USH2A: variants seen among roughly 807,000 people sequenced by gnomAD.
USH2A encodes the protein usherin.
USH2A carries 443 observed loss-of-function variants against 538.9 expected under a neutral mutation model. The ratio of observed to expected loss-of-function variants is 0.82; its 90% CI spans 0.76 to 0.89. The LOEUF is 0.89. USH2A is among the 40% of genes least tolerant of loss of function. The pLI is 0.00. For synonymous variants in USH2A, 2,413 were observed against 2,273.5 expected, an observed-to-expected ratio of 1.06 and a Z score of -1.75; for missense variants, 6,633 against 6,324.8, an observed-to-expected ratio of 1.05 and a Z score of -1.65.
intron 21 of USH2A, among the ~76,000 whole-genome samples, chr1:216,167,380 G>A (rs2034191770): frequency 6.6e-6 from 1 of 152,126 alleles, no homozygotes; most frequent in Non-Finnish European, 1.5e-5. Context: ...GTGATCAGCA[G>A]CTTCCCAATG....
intron 38 of USH2A, among the ~76,000 whole-genome samples, chr1:215,924,325 A>G (rs1453316151): frequency 2.0e-5 from 3 of 152,094 alleles, no homozygotes; most frequent in African/African-American, 4.8e-5. Context: ...TTATAGAGAT[A>G]GAAAAAGGGA....
chr1:216,023,034 T>C (rs990752400), intron 32 of USH2A, among the ~76,000 whole-genome samples: 10 of 152,108 alleles, frequency 6.6e-5, no homozygotes, highest in Non-Finnish European at 1.2e-4. Flanking sequence ...CAGAAATGCA[T>C]GAGGATTAGT....
chr1:216,014,669 G>A lies in USH2A; in HGVS notation c.6326-14107C>T, dbSNP rs147800625. ...ATTTGCATAAGATCAAACACAGGGA[G>A]TTGTGGACAGGGAAAAACAGATCAC... On this transcript the variant is annotated intron_variant, in intron 32 of 71. Transcript: ENST00000307340. Among the ~76,000 whole-genome samples the A allele has an allele frequency of 4.6e-5, 7 of 152,328 alleles. No individual in the cohort carries two copies. In the East Asian group the frequency reaches 1.4e-3, roughly 29 times the overall value.
At chr1:215,684,222 C>T (rs1658337266) in intron 61 of USH2A, among the ~76,000 whole-genome samples, 1 of 152,132 alleles carries the variant, frequency 6.6e-6, no homozygotes, top group South Asian at 2.1e-4. Context: ...GCAATTTGAA[C>T]TATATTTTAA....
chr1:216,222,697 C>T (rs149798881), intron 14 of USH2A, among the ~76,000 whole-genome samples: 170 of 152,178 alleles, frequency 1.1e-3, no homozygotes, highest in African/African-American at 3.8e-3. Flanking sequence ...AAAGAATGTA[C>T]GATGGGTGCG....
At chr1:215,984,513 G>A (rs926863331) in intron 35 of USH2A, among the ~76,000 whole-genome samples, 3 of 152,014 alleles carry the variant, frequency 2.0e-5, no homozygotes, top group African/African-American at 7.2e-5. Context: ...ATTTTCACAG[G>A]GAAGCTGGAT....
chr1:216,289,487 A>G, intron 10 of USH2A, 77 bp from the exon 11 acceptor site: 3 of 1,598,116 alleles, frequency 1.9e-6, no homozygotes, highest in Non-Finnish European at 1.7e-6. Context: ...TAAAGACTGT[A>G]TTCCTTTGAG....
chr1:215,727,870 A>G (rs892021595), intron 61 of USH2A, among the ~76,000 whole-genome samples, 160 bp downstream of exon 61: 3 of 152,222 alleles, frequency 2.0e-5, no homozygotes, highest in Admixed American at 6.5e-5. Flanking sequence ...TACTCAGTTC[A>G]GTATCTTATC....
chr1:215,919,824 G>A (rs1252733125), intron 38 of USH2A, among the ~76,000 whole-genome samples: 3 of 151,810 alleles, frequency 2.0e-5, no homozygotes, highest in Non-Finnish European at 4.4e-5. Flanking sequence ...TTTCTGAGAC[G>A]GTCTCTCAAA....
chr1:215,854,925 G>T (rs1436194556), intron 44 of USH2A, among the ~76,000 whole-genome samples: 2 of 152,180 alleles, frequency 1.3e-5, no homozygotes, highest in Non-Finnish European at 2.9e-5. Flanking sequence ...TGGTGCAGCT[G>T]CTGGCATTCA....
intron 69 of USH2A, among the ~76,000 whole-genome samples, chr1:215,635,269 G>T (rs1656439412): frequency 6.6e-6 from 1 of 152,098 alleles, no homozygotes; most frequent in African/African-American, 2.4e-5. Context: ...CTACCATGTT[G>T]TCTTTACATG....
chr1:215,956,802 TAAAC>T (rs1413582624), intron 37 of USH2A, among the ~76,000 whole-genome samples: 1 of 152,178 alleles, frequency 6.6e-6, no homozygotes, highest in East Asian at 1.9e-4. Context: ...GATGAGGTCT[TAAAC>T]AAGTTTGATA....
chr1:215,658,089 C>T (rs10779657), intron 64 of USH2A, among the ~76,000 whole-genome samples: 95,564 of 151,570 alleles, frequency 0.63, 30,895 homozygotes, highest in Non-Finnish European at 0.69. Flanking sequence ...CGCACGCCAC[C>T]CCGCCCGGCT....
At chr1:215,628,679 GGTT>G (rs1656146289) in intron 71 of USH2A, 132 bp downstream of exon 71, 1 of 876,480 alleles carries the variant, frequency 1.1e-6, no homozygotes, top group Non-Finnish European at 1.9e-6. Flanking sequence ...TTAGTAAACC[GGTT>G]GTTACTACCT....
At chr1:215,894,171 T>C (rs554934713) in intron 40 of USH2A, among the ~76,000 whole-genome samples, 22 of 152,270 alleles carry the variant, frequency 1.4e-4, no homozygotes, top group African/African-American at 4.3e-4. Flanking sequence ...GAAAGCAAAA[T>C]AGTTGTGTAG....
intron 5 of USH2A, 96 bp downstream of exon 5, chr1:216,327,495 G>A (rs1274187839): frequency 2.8e-6 from 4 of 1,434,130 alleles, no homozygotes; most frequent in Non-Finnish European, 3.9e-6. Context: ...ATGGTATAAA[G>A]ATAAAAAATG....
At chr1:215,976,228 T>G (rs1460851611) in intron 35 of USH2A, among the ~76,000 whole-genome samples, 1 of 152,190 alleles carries the variant, frequency 6.6e-6, no homozygotes, top group Admixed American at 6.6e-5. Context: ...ATCTTTTGGG[T>G]TTTGTAGGCA....
chr1:215,953,116 T>C (rs1377576364), intron 37 of USH2A, among the ~76,000 whole-genome samples: 5 of 152,026 alleles, frequency 3.3e-5, no homozygotes, highest in East Asian at 1.9e-4. Flanking sequence ...GAAGAATCAA[T>C]ATTGTGAAAA....
chr1:216,018,517 C>T (rs1571893362), intron 32 of USH2A, among the ~76,000 whole-genome samples: 1 of 152,174 alleles, frequency 6.6e-6, no homozygotes, highest in African/African-American at 2.4e-5. Flanking sequence ...GCCTCATTCC[C>T]TCCTGTCTGT....
Sources: allele counts gnomAD v4.1 joint callset (sites outside exome capture counted in the v4.1 genomes callset), GRCh38; gene constraint gnomAD v4.1.1; transcripts MANE v1.5; gene names NCBI Gene and HGNC (gene_info 2026-07-23, HGNC 2026-07-21).